Variants in GPR142 observed in about 807,000 individuals in gnomAD.
GPR142 encodes the protein G protein-coupled receptor 142.
A neutral mutation model predicts 10.6 loss-of-function variants in GPR142; 9 were observed. That is an observed-to-expected ratio of 0.85 (90% CI 0.51 to 1.48). GPR142 has a LOEUF of 1.48. Among genes scored for constraint, GPR142 ranks in the 40% most tolerant of loss-of-function variants. GPR142 has a pLI of 0.00. For synonymous variants in GPR142, 202 were observed against 221.2 expected, an observed-to-expected ratio of 0.91 and a Z score of 0.77; for missense variants, 482 against 506.0, an observed-to-expected ratio of 0.95 and a Z score of 0.45.
rs1054138645 is a variant in GPR142, at chr17:74,371,959, A to C, written c.484A>C (p.Ile162Leu). Residue 162 changes from isoleucine (I) to leucine (L), a missense_variant, in exon 4 of 4, where the codon ATC (isoleucine) becomes CTC (leucine). Physicochemically the swap from Ile to Leu is conservative, Grantham distance 5. Coordinates refer to ENST00000582579, the MANE Select transcript of GPR142 (RefSeq NM_001331076.1). ...AANHASVWIA[I>L]LLTVDRYTAL... ...CAACCACGCCTCAGTCTGGATCGCC[A>C]TCCTGCTCACGGTTGACCGCTACAC... 4 of 1,612,804 alleles carry C rather than the reference A, an allele frequency of 2.5e-6. No individual in the cohort carries two copies. Among genetic ancestry groups the C allele is most frequent in the Non-Finnish European group, 3.4e-6 (4 of 1,179,992 alleles).
chr17:74,370,716 G>T, intron 3 of GPR142, 37 bp downstream of exon 3: 1 of 1,584,392 alleles, frequency 6.3e-7, no homozygotes, highest in Non-Finnish European at 8.6e-7. Context: ...CTTGGGCTTG[G>T]CCAGAAATGG....
Position 74,370,513 on chromosome 17 carries a change from C to G in GPR142, c.95-8C>G, listed in dbSNP as rs1026367046. 7 of 1,606,170 alleles carry G rather than the reference C, an allele frequency of 4.4e-6. No individual in the cohort carries two copies. The African/African-American group carries it at 9.4e-5, about 21-fold the overall frequency. ...GAGGCTCTGACTCTGCCCATCCGCA[C>G]CTTCTAGCTGGCCAGCCACGAGTGA... On this transcript the variant is annotated splice_polypyrimidine_tract_variant and splice_region_variant and intron_variant, in intron 2 of 3. Coordinates refer to ENST00000582579, the MANE Select transcript of GPR142 (RefSeq NM_001331076.1).
intron 2 of GPR142, among the ~76,000 whole-genome samples, chr17:74,370,293 C>T (rs549681022): frequency 6.6e-6 from 1 of 152,208 alleles, no homozygotes; most frequent in South Asian, 2.1e-4. Flanking sequence ...CAGGGACTTC[C>T]CATCAGTGGG....
chr17:74,369,765 G>T, intron 2 of GPR142, 131 bp downstream of exon 2: 1 of 922,764 alleles, frequency 1.1e-6, no homozygotes, highest in Non-Finnish European at 1.6e-6. Flanking sequence ...TGAGCCCCCC[G>T]GCCTCAGCAG....
chr17:74,371,818 G>A lies in GPR142; in HGVS notation c.343G>A (p.Asp115Asn). 1 of 1,613,654 alleles carries A rather than the reference G, an allele frequency of 6.2e-7. No individual in the cohort carries two copies. The highest frequency in any genetic ancestry group is 8.5e-7 in the Non-Finnish European group (1 of 1,180,030). ...CTACCTTCTGGCGCTCACAGCCTCG[G>A]ATATCATCATCCAGGTGGTCATCGT... ...YYYLLALTAS[D>N]IIIQVVIVFA... The change falls in exon 4 of 4, where the codon GAT becomes AAT. Residue 115 changes from aspartate (D) to asparagine (N), a missense_variant. Asp to Asn is a conservative substitution (Grantham distance 23, BLOSUM62 1). Coordinates refer to ENST00000582579, the MANE Select transcript of GPR142 (RefSeq NM_001331076.1).
intron 1 of GPR142, among the ~76,000 whole-genome samples, chr17:74,368,333 A>C (rs1344040625): frequency 6.6e-6 from 1 of 152,088 alleles, no homozygotes; most frequent in Non-Finnish European, 1.5e-5. Flanking sequence ...CCAGCACTCC[A>C]CCAGAGGACC....
chr17:74,369,030 C>A (rs2055003553), intron 1 of GPR142, among the ~76,000 whole-genome samples: 1 of 152,156 alleles, frequency 6.6e-6, no homozygotes, highest in Non-Finnish European at 1.5e-5. Flanking sequence ...CCACTCCTAC[C>A]TGGCACGACT....
chr17:74,369,515 C>T lies in GPR142; in HGVS notation c.-26C>T, dbSNP rs910291334. On this transcript the variant is annotated 5_prime_UTR_variant, in exon 2 of 4. Coordinates refer to ENST00000582579, the MANE Select transcript of GPR142 (RefSeq NM_001331076.1). ...CTGGGGCAAACAACCACTTGGAGAG[C>T]CAAGGGGTGAGAGGTACAGCTGGCG... 1.3e-5 allele frequency: 21 copies of T among 1,559,218 alleles called. No homozygotes were observed. In the African/African-American group the frequency reaches 2.7e-4, roughly 20 times the overall value.
chr17:74,368,752 T>C (rs1281835065), intron 1 of GPR142, among the ~76,000 whole-genome samples: 4 of 152,264 alleles, frequency 2.6e-5, no homozygotes, highest in African/African-American at 9.6e-5. Context: ...GGCTGTTGTT[T>C]ATTTGCCAGG....
rs752777027 is a variant in GPR142, at chr17:74,367,759, C to T, written c.-109C>T. The T allele has an allele frequency of 8.7e-6, 14 of 1,612,748 alleles. No individual in the cohort carries two copies. In the South Asian group the frequency reaches 1.4e-4, roughly 16 times the overall value. On this transcript the variant is annotated 5_prime_UTR_variant, in exon 1 of 4. Transcript: ENST00000582579. The stretch of plus-strand genomic sequence containing the variant: ...AGCAGTTTCCGCCAGGTGAATCCAG[C>T]TGCCTCCCAGAACAGGCCTTCTATG...
chr17:74,372,080 G>T lies in GPR142; in HGVS notation c.605G>T (p.Gly202Val), dbSNP rs750334672. The T allele has an allele frequency of 3.8e-5, 61 of 1,614,130 alleles. No homozygotes were observed. Among genetic ancestry groups the T allele is most frequent in the Non-Finnish European group, 5.2e-5 (61 of 1,180,014 alleles). ...GTCCTGAGTGCTGCCCTGTTGACCG[G>T]CATCCCCTTCTACTGGTGGCTGGAC... ...AAVLSAALLT[G>V]IPFYWWLDMW... Residue 202 changes from glycine to valine, a missense_variant, in exon 4 of 4, where the codon GGC becomes GTC. Coordinates refer to ENST00000582579, the MANE Select transcript of GPR142 (RefSeq NM_001331076.1).
Position 74,369,551 on chromosome 17 carries a change from G to A in GPR142, c.11G>A (p.Gly4Glu). Residue 4 changes from glycine to glutamate, a missense_variant, in exon 2 of 4, where the codon GGG (glycine) becomes GAG (glutamate). Physicochemically the swap from Gly to Glu is moderately conservative, Grantham distance 98. Transcript: ENST00000582579. ...GAGGTACAGCTGGCGATGCTGACAG[G>A]GAGCTGCGGGGACCCTCAGAAAAAG... MLT[G>E]SCGDPQKKPQ... is the part of the protein sequence containing the mutation. The A allele has an allele frequency of 1.3e-6, 2 of 1,554,332 alleles. No homozygotes were observed. Among genetic ancestry groups the A allele is most frequent in the Non-Finnish European group, 8.7e-7 (1 of 1,148,378 alleles).
intron 1 of GPR142, 138 bp downstream of exon 1, chr17:74,367,932 C>G: frequency 1.2e-6 from 1 of 806,322 alleles, no homozygotes; most frequent in African/African-American, 1.7e-5. Flanking sequence ...GGTTGAAACC[C>G]TTGTGTTCCG....
chr17:74,367,796 T>C lies in GPR142; in HGVS notation c.-74+2T>C. The stretch of plus-strand genomic sequence containing the variant: ...ACAGGCCTTCTATGGGGTGGGATGG[T>C]AAGTTGCTGGAAGGACGTGCATGGG... On this transcript the variant is annotated splice_donor_variant, in intron 1 of 3. Transcript: ENST00000582579. LOFTEE classifies it low-confidence loss of function (5UTR_SPLICE). The C allele has an allele frequency of 6.3e-7, 1 of 1,594,952 alleles. No individual in the cohort carries two copies. The highest frequency in any genetic ancestry group is 8.6e-7 in the Non-Finnish European group (1 of 1,169,548).
At position 74,371,998 on chromosome 17, in the gene GPR142, C is replaced by A. The variant is rs1436687156; in HGVS notation, c.523C>A (p.Pro175Thr). ...TVDRYTALCHPLHHRAASSPG... is the reference protein window; with the variant it reads ...TVDRYTALCHTLHHRAASSPG... ...TGACCGCTACACTGCCCTGTGCCAC[C>A]CCCTGCACCATCGGGCCGCCTCGTC... Residue 175 changes from proline to threonine, a missense_variant, in exon 4 of 4, where the codon CCC (proline) becomes ACC (threonine). Physicochemically the swap from Pro to Thr is conservative, Grantham distance 38 (BLOSUM62 -1). Coordinates refer to ENST00000582579, the MANE Select transcript of GPR142 (RefSeq NM_001331076.1). The A allele has an allele frequency of 6.2e-7, 1 of 1,613,176 alleles. No homozygotes were observed. The highest frequency in any genetic ancestry group is 8.5e-7 in the Non-Finnish European group (1 of 1,179,970).
At position 74,372,371 on chromosome 17, in the gene GPR142, A is replaced by T; in HGVS notation, c.896A>T (p.His299Leu). ...MLYHMYVAPV[H>L]RDWRVHLALD... ...TACCACATGTACGTGGCCCCTGTCC[A>T]CCGGGACTGGAGGGTCCACCTGGCC... is the stretch of plus-strand genomic sequence containing the variant. Residue 299 changes from histidine (H) to leucine (L), a missense_variant, in exon 4 of 4, where the codon CAC becomes CTC. His to Leu is a moderately conservative substitution (Grantham distance 99). Coordinates refer to ENST00000582579, the MANE Select transcript of GPR142 (RefSeq NM_001331076.1). The T allele has an allele frequency of 6.2e-7, 1 of 1,614,084 alleles. No individual in the cohort carries two copies. Among genetic ancestry groups the T allele is most frequent in the Non-Finnish European group, 8.5e-7 (1 of 1,179,980 alleles).
rs777620765 is a variant in GPR142 at position 74,372,092 on chromosome 17, A to G, written c.617A>G (p.Tyr206Cys). The G allele has an allele frequency of 1.7e-5, 28 of 1,614,042 alleles. No homozygotes were observed. The highest frequency in any genetic ancestry group is 2.4e-5 in the Non-Finnish European group (28 of 1,180,038). The change falls in exon 4 of 4, where the codon TAC (tyrosine) becomes TGC (cysteine). Residue 206 changes from tyrosine (Y) to cysteine (C), a missense_variant. Coordinates refer to ENST00000582579, the MANE Select transcript of GPR142 (RefSeq NM_001331076.1). ...SAALLTGIPFYWWLDMWRDTD... is the reference protein window; with the variant it reads ...SAALLTGIPFCWWLDMWRDTD... The stretch of plus-strand genomic sequence containing the variant: ...GCCCTGTTGACCGGCATCCCCTTCT[A>G]CTGGTGGCTGGACATGTGGAGAGAC...
In GPR142 at chr17:74,372,144, G is replaced by A. The variant is rs201663447; in HGVS notation, c.669G>A (p.Glu223=). Residue 223 remains glutamate (E), a synonymous_variant, in exon 4 of 4, where the codon GAG becomes GAA. Transcript: ENST00000582579. ...RDTDSPRTLD[E]VLKWAHCLTV... ...CCGACTCACCCAGAACACTGGACGA[G>A]GTCCTCAAGTGGGCTCACTGTCTCA... 24 of 1,614,188 alleles carry A rather than the reference G, an allele frequency of 1.5e-5. No individual in the cohort carries two copies. Among genetic ancestry groups the A allele is most frequent in the African/African-American group, 8.0e-5 (6 of 75,066 alleles).
At chr17:74,371,159 C>CTTTTTTTTTT (rs3050698) in intron 3 of GPR142, among the ~76,000 whole-genome samples, 8 of 124,084 alleles carry the variant, frequency 6.4e-5, no homozygotes, top group Admixed American at 1.8e-4. Flanking sequence ...GGACAGGTAG[C>CTTTTTTTTTT]TTTTTTTTTT....
Sources: gnomAD v4.1 joint callset for allele counts (sites outside exome capture counted in the v4.1 genomes callset) on GRCh38, gnomAD v4.1.1 for gene constraint, MANE v1.5 for transcripts, NCBI Gene and HGNC (gene_info 2026-07-23, HGNC 2026-07-21) for gene names.